Variants in NAV2 observed in about 807,000 individuals in gnomAD.
NAV2 encodes neuron navigator 2.
Under a neutral mutation model 223.2 loss-of-function variants are expected in NAV2, and 54 were observed. The observed-to-expected ratio is 0.24, with a 90% CI of 0.19 to 0.30. NAV2 has a LOEUF of 0.30. NAV2 is among the 10% of genes least tolerant of loss of function. The pLI is 1.00. For missense variants in NAV2, 2,806 were observed against 3,147.5 expected (o/e 0.89, Z 2.60); for synonymous variants, 1,279 against 1,239.3 (o/e 1.03, Z -0.67).
chr11:19,887,182 C>T (rs2041078246), intron 5 of NAV2, among the ~76,000 whole-genome samples: 1 of 152,128 alleles, frequency 6.6e-6, no homozygotes, highest in Non-Finnish European at 1.5e-5. Flanking sequence ...CCTGCCAGAA[C>T]CCAACACTTT....
chr11:20,097,592 G>A lies in NAV2; in HGVS notation c.6028G>A (p.Val2010Ile), dbSNP rs148187964. The A allele has an allele frequency of 1.3e-6, 2 of 1,596,874 alleles. No individual in the cohort carries two copies. Among genetic ancestry groups the A allele is most frequent in the Non-Finnish European group, 1.7e-6 (2 of 1,174,952 alleles). ...TTTTTTCCAGGAATACATCATTCAT[G>A]TCGACCCAGTGAGTCAGCTAGGGCT... ...RRLFKEYIIH[V>I]DPVSQLGLNS... is the part of the protein sequence containing the mutation. The change falls in exon 31 of 38, where the codon GTC becomes ATC. Residue 2010 changes from valine (V) to isoleucine (I), a missense_variant. Physicochemically the swap from Val to Ile is conservative, Grantham distance 29 (BLOSUM62 3). Coordinates refer to ENST00000349880, the MANE Select transcript of NAV2 (RefSeq NM_145117.5).
At chr11:19,394,136 C>T (rs1192333007) in intron 1 of NAV2, among the ~76,000 whole-genome samples, 1 of 152,058 alleles carries the variant, frequency 6.6e-6, no homozygotes, top group South Asian at 2.1e-4. Context: ...GGTTTCATTC[C>T]CATGGATTGC....
At chr11:19,836,481 C>T (rs956635115) in intron 2 of NAV2, among the ~76,000 whole-genome samples, 21 of 149,450 alleles carry the variant, frequency 1.4e-4, no homozygotes, top group African/African-American at 5.2e-4. Flanking sequence ...GGCGTGAACC[C>T]GGGAAGCGGA....
intron 5 of NAV2, among the ~76,000 whole-genome samples, chr11:19,887,262 T>TGGAG (rs1166138079): frequency 1.3e-5 from 2 of 152,162 alleles, no homozygotes; most frequent in East Asian, 3.9e-4. Flanking sequence ...GAGGGGCGTA[T>TGGAG]GGAGGGAATT....
intron 1 of NAV2, among the ~76,000 whole-genome samples, chr11:19,587,501 A>C (rs947614341): frequency 6.6e-6 from 1 of 152,184 alleles, no homozygotes; most frequent in Admixed American, 6.5e-5. Flanking sequence ...AGCTGTTCCT[A>C]TTCAGCCACC....
At chr11:19,509,557 G>A (rs542686665) in intron 1 of NAV2, among the ~76,000 whole-genome samples, 10 of 152,308 alleles carry the variant, frequency 6.6e-5, no homozygotes, top group African/African-American at 1.4e-4. Context: ...TTCCCGCACC[G>A]ATGGTTGGGA....
intron 10 of NAV2, among the ~76,000 whole-genome samples, chr11:19,959,553 T>A (rs1433441008): frequency 1.3e-5 from 2 of 152,238 alleles, no homozygotes; most frequent in Admixed American, 6.5e-5. Context: ...GGCAAAGTGC[T>A]AGCCCAGTTC....
chr11:20,062,218 TC>T lies in NAV2; in HGVS notation c.4832-87del, dbSNP rs575008855. ...ATTAAGTCATTCCAAGCCTGGAGTGTCCTGTATTGCTGATGTTCTCCTCCCC... is the reference window on the plus strand; with the variant it reads ...ATTAAGTCATTCCAAGCCTGGAGTGTCTGTATTGCTGATGTTCTCCTCCCC... On this transcript the variant is annotated intron_variant, in intron 19 of 37. Coordinates refer to ENST00000349880, the MANE Select transcript of NAV2 (RefSeq NM_145117.5). 174 of 892,610 alleles carry T rather than the reference TC, an allele frequency of 1.9e-4. No individual in the cohort carries two copies. In the East Asian group the frequency reaches 4.1e-3, roughly 21 times the overall value. 55.3% of individuals were successfully genotyped at this position (892,610 alleles called of 1,614,324 possible).
At chr11:19,491,815 T>C (rs1332152803) in intron 1 of NAV2, among the ~76,000 whole-genome samples, 2 of 152,208 alleles carry the variant, frequency 1.3e-5, no homozygotes, top group African/African-American at 4.8e-5. Context: ...CCTTCCTCAC[T>C]AAGCTTAATA....
chr11:19,889,062 G>C lies in NAV2; in HGVS notation c.771-3372G>C, dbSNP rs191685260. Among the ~76,000 whole-genome samples, 295 of 152,272 alleles carry C rather than the reference G, an allele frequency of 1.9e-3. 3 individuals are homozygous for C. The highest frequency in any genetic ancestry group is 6.9e-3 in the African/African-American group (287 of 41,552). On this transcript the variant is annotated intron_variant, in intron 5 of 37. Coordinates refer to ENST00000349880, the MANE Select transcript of NAV2 (RefSeq NM_145117.5). ...GTCCAGTGGCCTCCCAGGTTTGCTTGGGTGTCTCAGGTTCTTGTGGTCACC... is the reference window on the plus strand; with the variant it reads ...GTCCAGTGGCCTCCCAGGTTTGCTTCGGTGTCTCAGGTTCTTGTGGTCACC...
chr11:19,744,661 C>T lies in NAV2; in HGVS notation c.267+30699C>T, dbSNP rs937452271. Among the ~76,000 whole-genome samples the T allele has an allele frequency of 1.3e-5, 2 of 152,120 alleles. 1 individual carries two copies. Among genetic ancestry groups the T allele is most frequent in the Admixed American group, 1.3e-4 (2 of 15,270 alleles). On this transcript the variant is annotated intron_variant, in intron 1 of 37. Coordinates refer to ENST00000349880, the MANE Select transcript of NAV2 (RefSeq NM_145117.5). ...CTCACCCCACTGTCTCAGAAATCAC[C>T]TCTATGAACAGTTTCTTGTGCATCA...
intron 1 of NAV2, among the ~76,000 whole-genome samples, chr11:19,821,697 G>T (rs2059390315): frequency 6.6e-6 from 1 of 152,208 alleles, no homozygotes; most frequent in Non-Finnish European, 1.5e-5. Context: ...AACTATGTTT[G>T]CTTTGTGCTT....
chr11:19,362,021 G>A (rs144101701), intron 1 of NAV2, among the ~76,000 whole-genome samples: 1 of 152,294 alleles, frequency 6.6e-6, no homozygotes, highest in Non-Finnish European at 1.5e-5. Context: ...TGAGGACAGT[G>A]GCTCTGGATG....
intron 12 of NAV2, among the ~76,000 whole-genome samples, chr11:20,043,391 T>C (rs535354500): frequency 2.3e-4 from 35 of 152,244 alleles, no homozygotes; most frequent in African/African-American, 7.9e-4. Flanking sequence ...GCTAGGGCTC[T>C]TTCCTTCTTT....
chr11:19,762,325 C>A (rs143541628), intron 1 of NAV2, among the ~76,000 whole-genome samples: 1 of 152,310 alleles, frequency 6.6e-6, no homozygotes, highest in East Asian at 1.9e-4. Context: ...CTTCATGACT[C>A]CCCATTGCTG....
intron 1 of NAV2, among the ~76,000 whole-genome samples, chr11:19,637,208 G>A (rs2047529413): frequency 6.6e-6 from 1 of 152,158 alleles, no homozygotes; most frequent in Non-Finnish European, 1.5e-5. Context: ...GTAGGTAGTG[G>A]CTACCTGGCT....
chr11:20,046,025 G>A (rs183877238), intron 14 of NAV2, among the ~76,000 whole-genome samples: 2 of 152,228 alleles, frequency 1.3e-5, no homozygotes, highest in African/African-American at 2.4e-5. Context: ...GTGTCTGGTC[G>A]TAGTATGCAC....
At chr11:20,048,679 C>G (rs12283929) in intron 14 of NAV2, 49 bp from the exon 15 acceptor site, 378,713 of 1,502,846 alleles carry the variant, frequency 0.25, 48,517 homozygotes, top group Middle Eastern at 0.28. Context: ...CAGTCCGGTG[C>G]CCCTTGGCAC....
chr11:20,022,877 C>G (rs1372100799), intron 11 of NAV2: 22 of 1,371,702 alleles, frequency 1.6e-5, no homozygotes, highest in Non-Finnish European at 2.0e-5. Flanking sequence ...TGAGGCCTGA[C>G]CTCTCGATCC....
Sources: gnomAD v4.1 joint callset for allele counts (sites outside exome capture counted in the v4.1 genomes callset) on GRCh38, gnomAD v4.1.1 for gene constraint, MANE v1.5 for transcripts, NCBI Gene and HGNC (gene_info 2026-07-23, HGNC 2026-07-21) for gene names.